Variants in ADAMTSL3 observed in about 807,000 individuals in gnomAD.
ADAMTSL3 encodes ADAMTS like 3, also known as ADAMTS-like protein 3.
In ADAMTSL3, 128 loss-of-function variants were observed where a neutral mutation model predicts 201.7. The observed-to-expected ratio is 0.63, with a 90% confidence interval of 0.55 to 0.73. The LOEUF (loss-of-function observed/expected upper bound fraction) is 0.73, where lower values mean the gene tolerates loss of function less well. Among genes scored for constraint, ADAMTSL3 ranks in the 30% least tolerant of loss-of-function variants. The pLI, the probability that ADAMTSL3 is intolerant of heterozygous loss-of-function variation, is 0.00. For synonymous variants in ADAMTSL3, 738 were observed against 748.4 expected, an observed-to-expected ratio of 0.99 and a Z score of 0.23; for missense variants, 1,990 against 2,119.6, an observed-to-expected ratio of 0.94 and a Z score of 1.20.
intron 3 of ADAMTSL3, among the ~76,000 whole-genome samples, chr15:83,739,391 AT>A (rs2062419087): frequency 6.7e-6 from 1 of 150,278 alleles, no homozygotes; most frequent in Admixed American, 6.7e-5. Flanking sequence ...ACAATGGAAA[AT>A]TCCATACCTG....
At chr15:83,688,617 G>C (rs915355359) in intron 2 of ADAMTSL3, among the ~76,000 whole-genome samples, 1 of 151,384 alleles carries the variant, frequency 6.6e-6, no homozygotes, top group Non-Finnish European at 1.5e-5. Context: ...ATTGTTTTAG[G>C]TGCATTGAGG....
intron 23 of ADAMTSL3, among the ~76,000 whole-genome samples, chr15:84,000,500 A>G (rs2067773138): frequency 6.6e-6 from 1 of 152,140 alleles, no homozygotes; most frequent in South Asian, 2.1e-4. Context: ...CCCTTCAACA[A>G]GCATTCACTA....
At chr15:83,928,877 AG>A (rs141526956) in intron 17 of ADAMTSL3, among the ~76,000 whole-genome samples, 2,382 of 152,318 alleles carry the variant, frequency 0.016, 23 homozygotes, top group Non-Finnish European at 0.025. Flanking sequence ...AATCACATAA[AG>A]TGGCCTTTTA....
chr15:83,860,655 C>G (rs1356340909), intron 8 of ADAMTSL3, among the ~76,000 whole-genome samples: 1 of 152,088 alleles, frequency 6.6e-6, no homozygotes, highest in Non-Finnish European at 1.5e-5. Flanking sequence ...AATAAGTAAG[C>G]AATAAATAGA....
At chr15:83,741,739 G>A (rs1220963646) in intron 3 of ADAMTSL3, among the ~76,000 whole-genome samples, 1 of 152,214 alleles carries the variant, frequency 6.6e-6, no homozygotes, top group Non-Finnish European at 1.5e-5. Context: ...GCTCATCCCT[G>A]TAATCCCAGC....
chr15:83,765,066 G>T (rs1025816559), intron 3 of ADAMTSL3, among the ~76,000 whole-genome samples: 1 of 152,106 alleles, frequency 6.6e-6, no homozygotes, highest in Non-Finnish European at 1.5e-5. Flanking sequence ...AGCAGCAGAG[G>T]GTAGAATGGA....
At chr15:83,859,889 G>A (rs533025301) in intron 8 of ADAMTSL3, among the ~76,000 whole-genome samples, 5 of 152,200 alleles carry the variant, frequency 3.3e-5, no homozygotes, top group Non-Finnish European at 7.3e-5. Flanking sequence ...ATGGCTGGGT[G>A]TGGTGGTTCA....
At chr15:83,658,004 C>T (rs1319780382) in intron 2 of ADAMTSL3, among the ~76,000 whole-genome samples, 8 of 152,212 alleles carry the variant, frequency 5.3e-5, no homozygotes, top group African/African-American at 9.6e-5. Context: ...ACCCTTGCTT[C>T]GTATGTGCTG....
rs1206090459 is a variant in ADAMTSL3, at chr15:84,039,502, G to A, written c.*1696G>A. On this transcript the variant is annotated 3_prime_UTR_variant, in exon 30 of 30. Transcript: ENST00000286744. Reference sequence around the variant, plus strand: ...CATCAATCACATCTGATTGTTGAAGGTTATTAAATTAAAAGAAAGATCATT... The same window carrying A: ...CATCAATCACATCTGATTGTTGAAGATTATTAAATTAAAAGAAAGATCATT... The A allele has an allele frequency of 6.6e-6, 1 of 152,488 alleles. No homozygotes were observed. Among genetic ancestry groups the A allele is most frequent in the African/African-American group, 2.4e-5 (1 of 41,382 alleles). The allele number at this position is 152,488 out of a possible 1,614,324, so 9.4% of individuals were successfully genotyped here. A position where few individuals can be genotyped will look rare whatever the true frequency, so the allele number is the denominator to read the frequency against.
At chr15:83,672,404 G>C (rs937468690) in intron 2 of ADAMTSL3, among the ~76,000 whole-genome samples, 8 of 152,182 alleles carry the variant, frequency 5.3e-5, no homozygotes, top group African/African-American at 1.9e-4. Context: ...GACATCTTTT[G>C]CTAAGGTGAA....
intron 5 of ADAMTSL3, among the ~76,000 whole-genome samples, chr15:83,808,235 A>G (rs1307241275): frequency 6.6e-6 from 1 of 152,218 alleles, no homozygotes; most frequent in Non-Finnish European, 1.5e-5. Flanking sequence ...AGACAGCTGG[A>G]CACGGAAATA....
At chr15:83,789,974 C>T (rs1316313727) in intron 4 of ADAMTSL3, among the ~76,000 whole-genome samples, 1 of 151,970 alleles carries the variant, frequency 6.6e-6, no homozygotes, top group African/African-American at 2.4e-5. Flanking sequence ...TCTAGGAATT[C>T]CCCACTGCCA....
At chr15:83,795,045 C>T (rs576258484) in intron 4 of ADAMTSL3, among the ~76,000 whole-genome samples, 160 of 151,880 alleles carry the variant, frequency 1.1e-3, no homozygotes, top group Non-Finnish European at 2.0e-3. Context: ...GTGGAGACAG[C>T]GTGTCACCAT....
chr15:83,743,519 CAA>C (rs759218799), intron 3 of ADAMTSL3, among the ~76,000 whole-genome samples: 15 of 57,090 alleles, frequency 2.6e-4, no homozygotes, highest in African/African-American at 4.9e-4. Context: ...GACTCCGTCT[CAA>C]AAAAAAAAAA....
intron 5 of ADAMTSL3, among the ~76,000 whole-genome samples, chr15:83,816,820 A>G (rs1427987978): frequency 6.6e-6 from 1 of 152,176 alleles, no homozygotes; most frequent in African/African-American, 2.4e-5. Context: ...AGCGTGGGCA[A>G]CATGGCAAAA....
At chr15:83,975,269 TG>T (rs2067267262) in intron 20 of ADAMTSL3, among the ~76,000 whole-genome samples, 1 of 151,772 alleles carries the variant, frequency 6.6e-6, no homozygotes, top group Non-Finnish European at 1.5e-5. Flanking sequence ...CCCAAAGTGC[TG>T]GGATTACAGG....
At chr15:83,846,766 C>T (rs74024582) in intron 7 of ADAMTSL3, among the ~76,000 whole-genome samples, 1,572 of 152,310 alleles carry the variant, frequency 0.01, 34 homozygotes, top group African/African-American at 0.036. Flanking sequence ...TCTGATGCCC[C>T]ACTACAGAGT....
chr15:84,000,653 G>A (rs2067775686), intron 23 of ADAMTSL3, among the ~76,000 whole-genome samples: 1 of 152,178 alleles, frequency 6.6e-6, no homozygotes, highest in Non-Finnish European at 1.5e-5. Context: ...GACACATTAA[G>A]GAGAGACTAA....
intron 27 of ADAMTSL3, 108 bp from the exon 28 acceptor site, chr15:84,031,227 G>T: frequency 9.2e-7 from 1 of 1,085,782 alleles, no homozygotes. Flanking sequence ...GTTGGTTACA[G>T]TCCCCTTGTA....
Sources: gnomAD v4.1 joint callset for allele counts (sites outside exome capture counted in the v4.1 genomes callset) on GRCh38, gnomAD v4.1.1 for gene constraint, MANE v1.5 for transcripts, NCBI Gene and HGNC (gene_info 2026-07-23, HGNC 2026-07-21) for gene names.